Variants in LRRK2 observed in about 807,000 individuals in gnomAD.
The protein encoded by LRRK2 is leucine rich repeat kinase 2.
Under a neutral mutation model 302.6 loss-of-function variants are expected in LRRK2, and 203 were observed. The ratio of observed to expected loss-of-function variants is 0.67; its 90% CI spans 0.60 to 0.75. The LOEUF (loss-of-function observed/expected upper bound fraction) is 0.75, where lower values mean the gene tolerates loss of function less well. Ranked by LOEUF, LRRK2 falls within the 30% of genes least tolerant of loss-of-function variation. The probability of loss-of-function intolerance (pLI) is 0.00; values close to 1 mark genes in which losing one functional copy is unlikely to be tolerated. For missense variants in LRRK2, 2,830 were observed against 2,951.0 expected, an observed-to-expected ratio of 0.96 and a Z score of 0.95; for synonymous variants, 1,066 against 1,031.9, an observed-to-expected ratio of 1.03 and a Z score of -0.63.
intron 25 of LRRK2, among the ~76,000 whole-genome samples, chr12:40,301,989 T>G (rs35124455): frequency 0.27 from 41,415 of 151,884 alleles, 5,941 homozygotes; most frequent in South Asian, 0.37. Context: ...CCATCCTGGC[T>G]AACATGGTGA....
intron 41 of LRRK2, among the ~76,000 whole-genome samples, chr12:40,343,200 G>A (rs1365764): frequency 0.77 from 116,742 of 151,968 alleles, 45,687 homozygotes; most frequent in Non-Finnish European, 0.86. Context: ...ACATTTTGAA[G>A]ATAATTATGG....
Position 40,255,539 on chromosome 12 carries a change from T to C in LRRK2, c.1289-1709T>C, listed in dbSNP as rs189320699. On this transcript the variant is annotated intron_variant, in intron 11 of 50. Transcript: ENST00000298910. ...TTTCAAACCACACATTGGGTTACTG[T>C]CTAGGATAGTGATTCTTAAAGTGTG... Among the ~76,000 whole-genome samples the C allele has an allele frequency of 1.4e-3, 207 of 152,326 alleles. 1 individual carries two copies. The highest frequency in any genetic ancestry group is 2.4e-3 in the Non-Finnish European group (161 of 68,026).
At chr12:40,356,246 T>A in intron 46 of LRRK2, 59 bp downstream of exon 46, 2 of 1,181,712 alleles carry the variant, frequency 1.7e-6, no homozygotes, top group South Asian at 1.3e-5. Flanking sequence ...TTTATATATA[T>A]CTCACACCCC....
At chr12:40,354,568 C>A (rs1592332037) in intron 45 of LRRK2, 76 bp downstream of exon 45, 5 of 1,295,228 alleles carry the variant, frequency 3.9e-6, no homozygotes, top group Middle Eastern at 2.1e-4. Context: ...ATTGTTATTG[C>A]ATCAGCAAAG....
At chr12:40,245,625 G>A (rs1941946151) in intron 7 of LRRK2, among the ~76,000 whole-genome samples, 1 of 151,918 alleles carries the variant, frequency 6.6e-6, no homozygotes, top group African/African-American at 2.4e-5. Context: ...CAAAATATGT[G>A]GATCATTTTA....
intron 7 of LRRK2, among the ~76,000 whole-genome samples, chr12:40,245,579 T>A (rs1941944931): frequency 6.6e-6 from 1 of 152,140 alleles, no homozygotes; most frequent in South Asian, 2.1e-4. Flanking sequence ...GTCCAGTTCC[T>A]TGGAAAACAC....
At chr12:40,353,442 G>A (rs112873815) in intron 44 of LRRK2, among the ~76,000 whole-genome samples, 5,700 of 150,940 alleles carry the variant, frequency 0.038, 361 homozygotes, top group African/African-American at 0.13. Context: ...GGGCAGAGCC[G>A]CTCATCACTT....
rs183384424 is a variant in LRRK2 at position 40,252,774 on chromosome 12, T to G, written c.1182-136T>G. 7.3e-4 allele frequency: 479 copies of G among 659,068 alleles called. 5 individuals carry two copies. In the East Asian group the frequency reaches 0.013, roughly 17 times the overall value. The allele number at this position is 659,068 out of a possible 1,614,324, so 40.8% of individuals were successfully genotyped here. On this transcript the variant is annotated intron_variant, in intron 10 of 50. Transcript: ENST00000298910. Reference sequence around the variant, plus strand: ...TCTTAAAAAATGAACTATAATTCACTCTTGTAAGTGGAGGTGGCATGAAAT... The same window carrying G: ...TCTTAAAAAATGAACTATAATTCACGCTTGTAAGTGGAGGTGGCATGAAAT...
intron 24 of LRRK2, 140 bp from the exon 25 acceptor site, chr12:40,298,969 G>A (rs1186885789): frequency 1.8e-5 from 10 of 550,288 alleles, no homozygotes; most frequent in Non-Finnish European, 2.3e-5. Flanking sequence ...TTTATCAACT[G>A]ACTTACATTT....
intron 20 of LRRK2, among the ~76,000 whole-genome samples, chr12:40,290,691 G>A (rs1370141749): frequency 1.3e-5 from 2 of 151,948 alleles, no homozygotes; most frequent in African/African-American, 2.4e-5. Flanking sequence ...GTTACTTATA[G>A]CAATTATTTA....
intron 2 of LRRK2, among the ~76,000 whole-genome samples, chr12:40,226,998 A>G (rs1940924563): frequency 6.6e-6 from 1 of 152,094 alleles, no homozygotes; most frequent in Non-Finnish European, 1.5e-5. Context: ...AGGCAGTGCT[A>G]TACTTGACAA....
chr12:40,274,158 G>A (rs1943349971), intron 14 of LRRK2, among the ~76,000 whole-genome samples: 1 of 152,176 alleles, frequency 6.6e-6, no homozygotes, highest in African/African-American at 2.4e-5. Context: ...TATTTGTTAA[G>A]AGGCAGCATT....
intron 46 of LRRK2, 55 bp downstream of exon 46, chr12:40,356,242 T>A: frequency 8.1e-7 from 1 of 1,236,590 alleles, no homozygotes; most frequent in Non-Finnish European, 1.2e-6. Flanking sequence ...TTGTTTTATA[T>A]ATATCTCACA....
intron 26 of LRRK2, 64 bp downstream of exon 26, chr12:40,302,946 A>G: frequency 8.8e-7 from 1 of 1,141,200 alleles, no homozygotes; most frequent in East Asian, 2.4e-5. Context: ...TAGAAACATG[A>G]TTTCGATTTA....
intron 38 of LRRK2, among the ~76,000 whole-genome samples, chr12:40,324,096 T>C (rs1286999081): frequency 1.3e-5 from 2 of 152,168 alleles, no homozygotes; most frequent in African/African-American, 2.4e-5. Flanking sequence ...CATATGTTAC[T>C]GTATGTCATT....
In LRRK2 at chr12:40,226,775, G is replaced by T. The variant is rs141285803; in HGVS notation, c.237+1135G>T. ...ACTCAAAGTCGGAATTTTGCCTGTG[G>T]AATATGAGTCACTTTTTGGGCACTG... On this transcript the variant is annotated intron_variant, in intron 2 of 50. Coordinates refer to ENST00000298910, the MANE Select transcript of LRRK2 (RefSeq NM_198578.4). Among the ~76,000 whole-genome samples the T allele has an allele frequency of 7.9e-5, 12 of 152,276 alleles. No individual in the cohort carries two copies. The East Asian group carries it at 1.7e-3, about 22-fold the overall frequency.
rs200680138 is a variant in LRRK2 at position 40,251,319 on chromosome 12, G to T, written c.1046G>T (p.Trp349Leu). 3.7e-6 allele frequency: 6 copies of T among 1,613,464 alleles called. No homozygotes were observed. Among genetic ancestry groups the T allele is most frequent in the Non-Finnish European group, 5.1e-6 (6 of 1,179,770 alleles). The change falls in exon 9 of 51, where the codon TGG becomes TTG. Residue 349 changes from tryptophan (W) to leucine (L), a missense_variant. Around this residue, in one of 3 missense-constraint regions of LRRK2, gnomAD observed 2,121 missense variants for 2,148.0 expected, o/e 0.99. Transcript: ENST00000298910. ...DDEGEEDKLF[W>L]LEACYKALTW... ...GAGGGGGAAGAAGATAAATTGTTTTGGCTGGAAGCCTGTTACAAAGCATTA... is the reference window on the plus strand; with the variant it reads ...GAGGGGGAAGAAGATAAATTGTTTTTGCTGGAAGCCTGTTACAAAGCATTA...
rs531805967 is a variant in LRRK2 at position 40,315,250 on chromosome 12, A to G, written c.4777A>G (p.Ser1593Gly). The G allele has an allele frequency of 6.2e-7, 1 of 1,612,612 alleles. No homozygotes were observed. The highest frequency in any genetic ancestry group is 1.7e-5 in the Admixed American group (1 of 59,924). The change falls in exon 33 of 51, where the codon AGT (serine) becomes GGT (glycine). Residue 1593 changes from serine (S) to glycine (G), a missense_variant. By Grantham distance (56) the Ser-to-Gly change is moderately conservative. This residue lies in a region of LRRK2 where 2,121 missense variants were observed against 2,148.0 expected (regional missense o/e 0.99). Coordinates refer to ENST00000298910, the MANE Select transcript of LRRK2 (RefSeq NM_198578.4). The part of the protein sequence containing the change: ...LHFQDPALQL[S>G]DLYFVEPKWL... ...TTTTCAAGACCCAGCACTGCAGTTA[A>G]GTGACTTGTACTTTGTGGAACCCAA...
At chr12:40,259,689 T>G in intron 13 of LRRK2, 85 bp downstream of exon 13, 7 of 1,528,388 alleles carry the variant, frequency 4.6e-6, no homozygotes, top group Non-Finnish European at 6.3e-6. Context: ...TCTAGGCAAA[T>G]ATTAAAAGAC....
Sources: allele counts gnomAD v4.1 joint callset (sites outside exome capture counted in the v4.1 genomes callset), GRCh38; gene constraint gnomAD v4.1.1; regional missense constraint gnomAD v4.1.1; transcripts MANE v1.5; gene names NCBI Gene and HGNC (gene_info 2026-07-23, HGNC 2026-07-21).